The following HYDIN variants were observed in gnomAD, a reference collection of about 807,000 sequenced individuals.
HYDIN encodes the protein axonemal central pair apparatus protein HYDIN.
Under a neutral mutation model 403.9 loss-of-function variants are expected in HYDIN, and 132 were observed. That is an observed-to-expected ratio of 0.33 (90% confidence interval 0.28 to 0.38). The LOEUF (loss-of-function observed/expected upper bound fraction) is 0.38, where lower values mean the gene tolerates loss of function less well. Among genes scored for constraint, HYDIN ranks in the 10% least tolerant of loss-of-function variants. The pLI is 1.00. For missense variants in HYDIN, 2,827 were observed against 5,009.5 expected, an observed-to-expected ratio of 0.56 and a Z score of 13.15; for synonymous variants, 1,202 against 1,891.7, an observed-to-expected ratio of 0.64 and a Z score of 9.46.
chr16:71,033,513 G>A (rs2080985426), intron 18 of HYDIN, among the ~76,000 whole-genome samples: 1 of 151,826 alleles, frequency 6.6e-6, no homozygotes, highest in African/African-American at 2.4e-5. Context: ...ATTATCCCCA[G>A]CAAACAAACA....
At chr16:70,872,796 C>T (rs1597183515) in intron 64 of HYDIN, among the ~76,000 whole-genome samples, 1 of 147,824 alleles carries the variant, frequency 6.8e-6, no homozygotes, top group South Asian at 2.2e-4. Context: ...TCCACCCATC[C>T]ATCATCCATC....
intron 68 of HYDIN, 77 bp from the exon 69 acceptor site, chr16:70,862,332 C>G (rs1388460084): frequency 3.2e-5 from 25 of 777,244 alleles, no homozygotes; most frequent in Non-Finnish European, 4.6e-5. Flanking sequence ...CTTACAGGTC[C>G]TTAGGGGCCC....
chr16:70,998,948 TA>T (rs1247244403), intron 23 of HYDIN, among the ~76,000 whole-genome samples: 1 of 152,172 alleles, frequency 6.6e-6, no homozygotes, highest in Non-Finnish European at 1.5e-5. Flanking sequence ...GGAAGCCAAC[TA>T]AAGACATGTC....
chr16:71,157,495 T>C (rs967457508), intron 6 of HYDIN, among the ~76,000 whole-genome samples: 5 of 149,958 alleles, frequency 3.3e-5, no homozygotes, highest in African/African-American at 1.2e-4. Flanking sequence ...TTAGAGATTC[T>C]AACTCAATAT....
rs543528074 is a variant in HYDIN, at chr16:70,860,002, A to G, written c.12129+66T>C. 32 of 1,504,004 alleles carry G rather than the reference A, an allele frequency of 2.1e-5. 1 individual carries two copies. In the Admixed American group the frequency reaches 2.9e-4, roughly 14 times the overall value. The allele number at this position is 1,504,004 out of a possible 1,614,324, so 93.2% of individuals were successfully genotyped here. On this transcript the variant is annotated intron_variant, in intron 71 of 85. Transcript: ENST00000393567. ...TAATTCCACTTACTGTCTATGGCAC[A>G]CTTTCCACACAGCAATGGCTAGAGT...
At chr16:71,109,096 GC>G (rs2083722424) in intron 10 of HYDIN, among the ~76,000 whole-genome samples, 1 of 151,990 alleles carries the variant, frequency 6.6e-6, no homozygotes, top group Non-Finnish European at 1.5e-5. Flanking sequence ...ATTCATCTTT[GC>G]CATTTAATGT....
chr16:71,157,388 T>C (rs2085815169), intron 6 of HYDIN, among the ~76,000 whole-genome samples: 1 of 152,200 alleles, frequency 6.6e-6, no homozygotes, highest in Admixed American at 6.5e-5. Context: ...TCCACTGCTC[T>C]ACCATGTCTA....
At chr16:71,049,585 T>A (rs557777274) in intron 18 of HYDIN, among the ~76,000 whole-genome samples, 9 of 152,304 alleles carry the variant, frequency 5.9e-5, no homozygotes, top group African/African-American at 2.2e-4. Context: ...ATTTATAATT[T>A]AAAATTCCAA....
intron 57 of HYDIN, among the ~76,000 whole-genome samples, chr16:70,891,020 C>T (rs1428626866): frequency 3.3e-5 from 5 of 150,914 alleles, no homozygotes; most frequent in Non-Finnish European, 4.4e-5. Flanking sequence ...TCCTTCAGCA[C>T]GCCAGGAGCA....
At position 70,904,478 on chromosome 16, in the gene HYDIN, C is replaced by CTTT. The variant is rs76148650; in HGVS notation, c.8517-417_8517-415dup. Among the ~76,000 whole-genome samples, 26 of 25,218 alleles carry CTTT rather than the reference C, an allele frequency of 1.0e-3. 5 individuals are homozygous for CTTT. Among genetic ancestry groups the CTTT allele is most frequent in the Admixed American group, 1.9e-3 (3 of 1,620 alleles). 16.5% of individuals were successfully genotyped at this position (25,218 alleles called of 152,430 possible). On this transcript the variant is annotated intron_variant, in intron 50 of 85. Coordinates refer to ENST00000393567, the MANE Select transcript of HYDIN (RefSeq NM_001270974.2). ...CTGAGAGAGATTATCACTTGAGTAA[C>CTTT]TTTTTTTTTTTTTTTTTTTTTTTTT...
chr16:70,974,178 T>C lies in HYDIN; in HGVS notation c.5032A>G (p.Ile1678Val). 3 of 1,548,976 alleles carry C rather than the reference T, an allele frequency of 1.9e-6. No homozygotes were observed. The highest frequency in any genetic ancestry group is 2.0e-5 in the Admixed American group (1 of 50,966). The change falls in exon 33 of 86, where the codon ATC becomes GTC. Residue 1678 changes from isoleucine (I) to valine (V), a missense_variant. Transcript: ENST00000393567. ...PVGSKEVILP[I>V]KVVGGPTVHI... is the part of the protein sequence containing the mutation. ...GGCCCAGCGGTGCCTTGTACCTTGA[T>C]GGGCAGAATGACTTCTTTGCTTCCA...
At chr16:71,150,687 A>C (rs1021725332) in intron 7 of HYDIN, among the ~76,000 whole-genome samples, 2 of 152,068 alleles carry the variant, frequency 1.3e-5, no homozygotes, top group African/African-American at 4.8e-5. Context: ...TTAATCTTGT[A>C]AGAAAAGAAA....
chr16:70,914,332 G>C (rs2076777580), intron 47 of HYDIN, among the ~76,000 whole-genome samples: 1 of 152,100 alleles, frequency 6.6e-6, no homozygotes, highest in African/African-American at 2.4e-5. Context: ...TACTGGCTTG[G>C]TAGTGGCAAA....
chr16:71,065,223 T>G (rs984457596), intron 15 of HYDIN, among the ~76,000 whole-genome samples: 13 of 152,216 alleles, frequency 8.5e-5, no homozygotes, highest in African/African-American at 2.9e-4. Context: ...GCTGTGACAC[T>G]TTGGACCAGT....
intron 6 of HYDIN, among the ~76,000 whole-genome samples, chr16:71,153,474 G>A (rs2085625991): frequency 6.6e-6 from 1 of 151,838 alleles, no homozygotes; most frequent in South Asian, 2.1e-4. Context: ...CGCAAGGAGA[G>A]GCCTAAGAGA....
rs1162778051 is a variant in HYDIN at position 70,804,857 on chromosome 16, CTT to C, written c.*2721_*2722del. On this transcript the variant is annotated 3_prime_UTR_variant, in exon 86 of 86. Transcript: ENST00000393567. ...ACTTTTATAAAATGTATATGGACAG[CTT>C]CAGTGGCTTGGGGAAGCACTGGAAC... Among the ~76,000 whole-genome samples, 2 of 152,190 alleles carry C rather than the reference CTT, an allele frequency of 1.3e-5. No homozygotes were observed. Among genetic ancestry groups the C allele is most frequent in the African/African-American group, 4.8e-5 (2 of 41,452 alleles).
chr16:70,909,903 G>C (rs1311041796), intron 47 of HYDIN, among the ~76,000 whole-genome samples: 3 of 149,746 alleles, frequency 2.0e-5, no homozygotes, highest in Non-Finnish European at 4.5e-5. Flanking sequence ...CACCATGTTA[G>C]CCAGGATGGT....
Position 71,193,748 on chromosome 16 carries a change from A to C in HYDIN, c.-23-6830T>G, listed in dbSNP as rs1284527986. On this transcript the variant is annotated intron_variant, in intron 1 of 85. Transcript: ENST00000393567. ...TGCAGGGACGTGTACGTGTCACATTAATAACTATCATGATCACCATAATCA... is the reference window on the plus strand; with the variant it reads ...TGCAGGGACGTGTACGTGTCACATTCATAACTATCATGATCACCATAATCA... Among the ~76,000 whole-genome samples the C allele has an allele frequency of 2.6e-5, 4 of 152,292 alleles. No individual in the cohort carries two copies. The East Asian group carries it at 7.7e-4, about 29-fold the overall frequency.
chr16:70,958,016 T>C (rs2078295443), intron 39 of HYDIN, among the ~76,000 whole-genome samples: 1 of 138,968 alleles, frequency 7.2e-6, no homozygotes, highest in Non-Finnish European at 1.5e-5. Flanking sequence ...GTCTGGGATT[T>C]TTTTCTCTAA....
Sources: allele counts gnomAD v4.1 joint callset (sites outside exome capture counted in the v4.1 genomes callset), GRCh38; gene constraint gnomAD v4.1.1; transcripts MANE v1.5; gene names NCBI Gene and HGNC (gene_info 2026-07-23, HGNC 2026-07-21).